ROBO2: variants seen among roughly 807,000 people sequenced by gnomAD.
ROBO2 encodes the protein roundabout homolog 2.
ROBO2 carries 53 observed loss-of-function variants against 160.8 expected under a neutral mutation model. The ratio of observed to expected loss-of-function variants is 0.33; its 90% confidence interval spans 0.26 to 0.41. The LOEUF (loss-of-function observed/expected upper bound fraction) is 0.41, where lower values mean the gene tolerates loss of function less well. ROBO2 is among the 10% of genes least tolerant of loss of function. The pLI is 1.00. For synonymous variants in ROBO2, 664 were observed against 611.7 expected, an observed-to-expected ratio of 1.09 and a Z score of -1.26; for missense variants, 1,577 against 1,722.4, an observed-to-expected ratio of 0.92 and a Z score of 1.49.
At chr3:76,142,248 A>G (rs1451120350) in intron 2 of ROBO2, among the ~76,000 whole-genome samples, 2 of 151,950 alleles carry the variant, frequency 1.3e-5, no homozygotes, top group African/African-American at 4.8e-5. Context: ...ATTATGGAGA[A>G]CAGTATGGAG....
At chr3:76,786,953 C>T (rs2063020474) in intron 2 of ROBO2, among the ~76,000 whole-genome samples, 1 of 151,122 alleles carries the variant, frequency 6.6e-6, no homozygotes, top group African/African-American at 2.4e-5. Context: ...GCTGGGGAGG[C>T]CAGGAAATTT....
chr3:76,974,439 A>C (rs1162283208), intron 2 of ROBO2, among the ~76,000 whole-genome samples: 2 of 152,178 alleles, frequency 1.3e-5, no homozygotes, highest in African/African-American at 4.8e-5. Flanking sequence ...TCTTCACAAA[A>C]TATGCATTAT....
At chr3:76,192,750 A>G (rs151126453) in intron 2 of ROBO2, among the ~76,000 whole-genome samples, 144 of 152,214 alleles carry the variant, frequency 9.5e-4, no homozygotes, top group African/African-American at 3.2e-3. Flanking sequence ...TCACTATTCA[A>G]TCACATTTAA....
At chr3:76,343,226 G>C (rs902876909) in intron 2 of ROBO2, among the ~76,000 whole-genome samples, 1 of 151,956 alleles carries the variant, frequency 6.6e-6, no homozygotes, top group African/African-American at 2.4e-5. Flanking sequence ...ATCTCTATTA[G>C]TACTCTCTAT....
intron 2 of ROBO2, among the ~76,000 whole-genome samples, chr3:76,422,966 A>T (rs1272167760): frequency 1.3e-5 from 2 of 152,090 alleles, no homozygotes; most frequent in African/African-American, 4.8e-5. Context: ...GGGAGGATAA[A>T]CTCGGTAGGA....
chr3:77,330,398 A>G (rs2065857562), intron 2 of ROBO2, among the ~76,000 whole-genome samples: 3 of 152,188 alleles, frequency 2.0e-5, no homozygotes, highest in Non-Finnish European at 4.4e-5. Flanking sequence ...CATGCCGGTA[A>G]TCTTAGCTAC....
intron 2 of ROBO2, among the ~76,000 whole-genome samples, chr3:75,952,931 A>G (rs766381667): frequency 2.0e-5 from 3 of 151,872 alleles, no homozygotes; most frequent in Non-Finnish European, 2.9e-5. Context: ...TCACTTGGCA[A>G]TATGCATTTA....
chr3:77,200,250 ATCCT>A (rs1385113235), intron 2 of ROBO2, among the ~76,000 whole-genome samples: 2 of 115,432 alleles, frequency 1.7e-5, no homozygotes, highest in East Asian at 4.9e-4. Flanking sequence ...GTGTATGTAT[ATCCT>A]AACTAACATA....
intron 2 of ROBO2, among the ~76,000 whole-genome samples, chr3:76,160,794 G>A (rs1280614814): frequency 6.6e-6 from 1 of 152,116 alleles, no homozygotes; most frequent in Non-Finnish European, 1.5e-5. Flanking sequence ...GTTATAGTAA[G>A]TTAGCACAAG....
chr3:77,633,961 C>T (rs2095218813), intron 23 of ROBO2: 1 of 152,098 alleles, frequency 6.6e-6, no homozygotes, highest in South Asian at 2.1e-4. Flanking sequence ...TATCATATCA[C>T]GTCGTCGTAA....
intron 2 of ROBO2, among the ~76,000 whole-genome samples, chr3:76,773,229 A>AT (rs1477985179): frequency 1.3e-5 from 2 of 150,794 alleles, no homozygotes; most frequent in Non-Finnish European, 3.0e-5. Flanking sequence ...TAAGGTGACT[A>AT]TTTTTTTCTT....
At chr3:76,782,628 A>G (rs2062720739) in intron 2 of ROBO2, among the ~76,000 whole-genome samples, 1 of 150,738 alleles carries the variant, frequency 6.6e-6, no homozygotes, top group South Asian at 2.1e-4. Context: ...TTCTTTTGTA[A>G]TAACTTTCTT....
chr3:77,355,415 T>C (rs1008696510), intron 2 of ROBO2, among the ~76,000 whole-genome samples: 1 of 152,194 alleles, frequency 6.6e-6, no homozygotes, highest in South Asian at 2.1e-4. Flanking sequence ...GGGGGAATGA[T>C]ACAAACTGCT....
intron 2 of ROBO2, among the ~76,000 whole-genome samples, chr3:76,452,985 G>A (rs1432248029): frequency 3.9e-5 from 6 of 152,178 alleles, no homozygotes; most frequent in South Asian, 4.1e-4. Flanking sequence ...TTTGAGAAGT[G>A]TCTGTTCATG....
At chr3:77,536,942 T>C (rs2092146775) in intron 6 of ROBO2, among the ~76,000 whole-genome samples, 2 of 152,186 alleles carry the variant, frequency 1.3e-5, no homozygotes, top group African/African-American at 4.8e-5. Context: ...TGAACTGAGT[T>C]AACTCTTTTC....
chr3:76,132,868 G>C (rs1311083892), intron 2 of ROBO2, among the ~76,000 whole-genome samples: 1 of 152,096 alleles, frequency 6.6e-6, no homozygotes, highest in Non-Finnish European at 1.5e-5. Context: ...AGTAGTGGAA[G>C]CAAGTGAGCC....
At chr3:77,093,140 G>A (rs567289885) in intron 1 of ROBO2, among the ~76,000 whole-genome samples, 4 of 152,050 alleles carry the variant, frequency 2.6e-5, no homozygotes, top group African/African-American at 9.6e-5. Flanking sequence ...TTATCAAACG[G>A]TATTGTGCAT....
At position 76,810,750 on chromosome 3, in the gene ROBO2, C is replaced by A. The variant is rs374944884; in HGVS notation, c.110-287264C>A. Among the ~76,000 whole-genome samples, 167 of 152,070 alleles carry A rather than the reference C, an allele frequency of 1.1e-3. 4 individuals carry two copies. The East Asian group carries it at 0.024, about 22-fold the overall frequency. On this transcript the variant is annotated intron_variant, in intron 2 of 26. Coordinates refer to the ROBO2 transcript ENST00000487694. ...TACCCAAGAAATGGTGAAAAGCTAA[C>A]CTGAAAACAAAAAATTACATAATTT...
intron 2 of ROBO2, among the ~76,000 whole-genome samples, chr3:77,196,165 C>T (rs2082289436): frequency 1.3e-5 from 2 of 152,144 alleles, no homozygotes; most frequent in South Asian, 2.1e-4. Flanking sequence ...AGACAGGTAG[C>T]GCGGTGCTCA....
Sources: gnomAD v4.1 joint callset for allele counts (sites outside exome capture counted in the v4.1 genomes callset) on GRCh38, gnomAD v4.1.1 for gene constraint, MANE v1.5 for transcripts, NCBI Gene and HGNC (gene_info 2026-07-23, HGNC 2026-07-21) for gene names.